The following COL9A3 variants were observed in gnomAD, a reference collection of about 807,000 sequenced individuals.
The protein encoded by COL9A3 is collagen alpha-3(IX) chain.
COL9A3 carries 82 observed loss-of-function variants against 110.2 expected under a neutral mutation model. That is an observed-to-expected ratio of 0.74 (90% CI 0.62 to 0.89). The LOEUF (loss-of-function observed/expected upper bound fraction) is 0.89, where lower values mean the gene tolerates loss of function less well. Ranked by LOEUF, COL9A3 falls within the 40% of genes least tolerant of loss-of-function variation. The probability of loss-of-function intolerance (pLI) is 0.00; values close to 1 mark genes in which losing one functional copy is unlikely to be tolerated. For synonymous variants in COL9A3, 494 were observed against 403.8 expected, an observed-to-expected ratio of 1.22 and a Z score of -2.68; for missense variants, 1,066 against 981.3, an observed-to-expected ratio of 1.09 and a Z score of -1.15.
Position 62,817,142 on chromosome 20 carries a change from G to T in COL9A3, c.78G>T (p.Gln26His). The change falls in exon 1 of 32, where the codon CAG (glutamine) becomes CAT (histidine). Residue 26 changes from glutamine to histidine, a missense_variant and splice_region_variant. Transcript: ENST00000649368. ...AGCTTCTGGCGGCCGCCGGGGCGCA[G>T]GTGAGCGCGAGCTCCGGGCTCTGAG... ...LGELLAAAGA[Q>H]RVGLPGPPGP... The T allele has an allele frequency of 7.2e-7, 1 of 1,394,816 alleles. No homozygotes were observed. Among genetic ancestry groups the T allele is most frequent in the South Asian group, 1.4e-5 (1 of 70,568 alleles). The allele number at this position is 1,394,816 out of a possible 1,614,324, so 86.4% of individuals were successfully genotyped here.
rs2063631320 is a variant in COL9A3 at position 62,835,933 on chromosome 20, C to T, written c.1381C>T (p.Leu461=). Residue 461 remains leucine (L), a synonymous_variant, in exon 27 of 32, where the codon CTG becomes TTG. Coordinates refer to ENST00000649368, the MANE Select transcript of COL9A3 (RefSeq NM_001853.4). ...TTTCTCTTCACAGGGTCCCAGCGGC[C>T]TGGTCGGACCCAAAGGAGAGGTGAG... ...GDKGELGPSG[L]VGPKGESGSR... 6.2e-7 allele frequency: 1 copy of T among 1,614,202 alleles called. No homozygotes were observed.
chr20:62,837,169 C>T lies in COL9A3; in HGVS notation c.1690C>T (p.Pro564Ser), dbSNP rs143489071. ...GCCCGGTCCAGCTGGCCCCCCTGGG[C>T]CCCCAGGACCCCCAGGCTCCATTGG... ...GRPGPAGPPG[P>S]PGPPGSIGHP... The change falls in exon 30 of 32, where the codon CCC becomes TCC. Residue 564 changes from proline (P) to serine (S), a missense_variant. Physicochemically the swap from Pro to Ser is moderately conservative, Grantham distance 74. Transcript: ENST00000649368. The T allele has an allele frequency of 1.4e-4, 230 of 1,612,070 alleles. 3 individuals are homozygous for T. In the South Asian group the frequency reaches 2.2e-3, roughly 16 times the overall value.
At chr20:62,831,810 G>A (rs554142440) in intron 24 of COL9A3, 17 of 389,488 alleles carry the variant, frequency 4.4e-5, no homozygotes, top group Admixed American at 2.2e-4. Flanking sequence ...TCACAATGCC[G>A]GGGGAAGGTG....
intron 22 of COL9A3, 130 bp from the exon 23 acceptor site, chr20:62,830,230 C>G: frequency 9.0e-7 from 1 of 1,107,556 alleles, no homozygotes; most frequent in Non-Finnish European, 1.3e-6. Flanking sequence ...CCCAGCAACC[C>G]AGCCAGGTGG....
At chr20:62,831,567 A>G (rs1254495718) in intron 24 of COL9A3, 1 of 172,636 alleles carries the variant, frequency 5.8e-6, no homozygotes, top group East Asian at 1.6e-4. Context: ...GGTGGGGGCC[A>G]TGCCAGCAAC....
intron 14 of COL9A3, 91 bp from the exon 15 acceptor site, chr20:62,826,676 G>C: frequency 7.1e-7 from 1 of 1,417,128 alleles, no homozygotes; most frequent in Non-Finnish European, 9.9e-7. Flanking sequence ...AGGAAGGGCT[G>C]CTTGTGTCTG....
At chr20:62,829,923 GC>G in intron 22 of COL9A3, 104 bp downstream of exon 22, 2 of 1,399,704 alleles carry the variant, frequency 1.4e-6, no homozygotes, top group Non-Finnish European at 9.7e-7. Context: ...GCCTTGATGG[GC>G]CAGGCCCACA....
chr20:62,817,213 C>T lies in COL9A3; in HGVS notation c.78+71C>T, dbSNP rs1000854254. On this transcript the variant is annotated intron_variant, in intron 1 of 31. Transcript: ENST00000649368. ...CGCCCCAGCCCCGAACCCGCCACTC[C>T]GGGGTGCCCGGCGCAGCCTCGACGC... 2.0e-4 allele frequency: 228 copies of T among 1,134,892 alleles called. 2 individuals carry two copies. Among genetic ancestry groups the T allele is most frequent in the Middle Eastern group, 3.4e-4 (1 of 2,982 alleles). 70.3% of individuals were successfully genotyped at this position (1,134,892 alleles called of 1,614,324 possible).
chr20:62,836,117 A>T, intron 27 of COL9A3, 70 bp from the exon 28 acceptor site: 8 of 1,605,246 alleles, frequency 5.0e-6, no homozygotes, highest in Non-Finnish European at 6.8e-6. Context: ...GCCGGCTGGG[A>T]AAGAGCACGT....
chr20:62,824,456 C>T lies in COL9A3; in HGVS notation c.531C>T (p.Ile177=), dbSNP rs138872362. 4.3e-5 allele frequency: 69 copies of T among 1,602,328 alleles called. No homozygotes were observed. The African/African-American group carries it at 7.9e-4, about 18-fold the overall frequency. Residue 177 remains isoleucine, a synonymous_variant, in exon 11 of 32, where the codon ATC becomes ATT. Transcript: ENST00000649368. The part of the protein sequence containing the change: ...EGATDLQCPS[I]CPPGPPGPPG... Reference sequence around the variant, plus strand: ...CTGTTTTCCGACAGTGCCCAAGTATCTGCCCGCCAGGTCCCCCAGGGCCCC... The same window carrying T: ...CTGTTTTCCGACAGTGCCCAAGTATTTGCCCGCCAGGTCCCCCAGGGCCCC...
At chr20:62,823,906 T>C (rs2063529337) in intron 10 of COL9A3, among the ~76,000 whole-genome samples, 1 of 152,236 alleles carries the variant, frequency 6.6e-6, no homozygotes, top group Non-Finnish European at 1.5e-5. Context: ...CAGCCCCTGC[T>C]GCACTTGGCC....
intron 1 of COL9A3, 81 bp from the exon 2 acceptor site, chr20:62,817,486 C>A: frequency 2.9e-6 from 3 of 1,051,682 alleles, no homozygotes; most frequent in Non-Finnish European, 4.3e-6. Flanking sequence ...GCCCCGGAGC[C>A]GCTCGGGACC....
At chr20:62,823,033 G>T (rs1275179434) in intron 10 of COL9A3, among the ~76,000 whole-genome samples, 1 of 151,438 alleles carries the variant, frequency 6.6e-6, no homozygotes, top group Non-Finnish European at 1.5e-5. Context: ...CTTGTCATTT[G>T]CCTGAAAAGA....
At position 62,821,223 on chromosome 20, in the gene COL9A3, A is replaced by G. The variant is rs1445119190; in HGVS notation, c.345+7A>G. 1 of 1,612,896 alleles carries G rather than the reference A, an allele frequency of 6.2e-7. No homozygotes were observed. Among genetic ancestry groups the G allele is most frequent in the South Asian group, 1.1e-5 (1 of 90,990 alleles). ...GGGGCCGCCCGGGCTGGGGGTGAGTATGGAGTGTGGTCCTCTCCTCTCCAT... is the reference window on the plus strand; with the variant it reads ...GGGGCCGCCCGGGCTGGGGGTGAGTGTGGAGTGTGGTCCTCTCCTCTCCAT... On this transcript the variant is annotated splice_region_variant and intron_variant, in intron 6 of 31. Coordinates refer to ENST00000649368, the MANE Select transcript of COL9A3 (RefSeq NM_001853.4).
At chr20:62,817,252 C>A in intron 1 of COL9A3, 110 bp downstream of exon 1, 1 of 826,334 alleles carries the variant, frequency 1.2e-6, no homozygotes, top group Non-Finnish European at 1.6e-6. Flanking sequence ...CAGCCCGTGT[C>A]GCCGTCGGGG....
intron 30 of COL9A3, among the ~76,000 whole-genome samples, chr20:62,837,568 G>A (rs567234300): frequency 2.2e-4 from 33 of 152,314 alleles, no homozygotes; most frequent in Non-Finnish European, 4.0e-4. Flanking sequence ...CAACACTTTG[G>A]GGGGCTGAGG....
In COL9A3 at chr20:62,838,181, G is replaced by A. The variant is rs116769895; in HGVS notation, c.1787-503G>A. Among the ~76,000 whole-genome samples, 467 of 152,344 alleles carry A rather than the reference G, an allele frequency of 3.1e-3. 2 individuals are homozygous for A. The highest frequency in any genetic ancestry group is 0.01 in the African/African-American group (435 of 41,570). ...TCAGGGAGGTGGTTCAGCCGTGCAC[G>A]GCTCAGCAGCAGGCATAGGTTCTGA... is the stretch of plus-strand genomic sequence containing the variant. On this transcript the variant is annotated intron_variant, in intron 30 of 31. Transcript: ENST00000649368.
chr20:62,821,739 C>G lies in COL9A3; in HGVS notation c.370-18C>G. On this transcript the variant is annotated intron_variant, in intron 7 of 31. Coordinates refer to ENST00000649368, the MANE Select transcript of COL9A3 (RefSeq NM_001853.4). ...CTTCCGGGTGCAGACCTCCCCACCT[C>G]TCTTTACTTCCCTCCAGGGAGAGGC... The G allele has an allele frequency of 6.2e-7, 1 of 1,608,706 alleles. No individual in the cohort carries two copies. The highest frequency in any genetic ancestry group is 8.5e-7 in the Non-Finnish European group (1 of 1,177,692).
In COL9A3 at chr20:62,828,907, A is replaced by G. The variant is rs774780606; in HGVS notation, c.955-16A>G. Reference sequence around the variant, plus strand: ...CCTCAGCCTCCCCTTCCGCACCCCAATCTCTGTCCTCACAGGGAGAGGCTG... The same window carrying G: ...CCTCAGCCTCCCCTTCCGCACCCCAGTCTCTGTCCTCACAGGGAGAGGCTG... On this transcript the variant is annotated splice_polypyrimidine_tract_variant and intron_variant, in intron 18 of 31. Transcript: ENST00000649368. The G allele has an allele frequency of 2.0e-5, 33 of 1,612,494 alleles. No individual in the cohort carries two copies. In the East Asian group the frequency reaches 4.2e-4, roughly 21 times the overall value.
Sources: gnomAD v4.1 joint callset for allele counts (sites outside exome capture counted in the v4.1 genomes callset) on GRCh38, gnomAD v4.1.1 for gene constraint, MANE v1.5 for transcripts, NCBI Gene and HGNC (gene_info 2026-07-23, HGNC 2026-07-21) for gene names.